Variants in TMC1 observed in about 807,000 individuals in gnomAD.
TMC1 encodes transmembrane channel like 1.
In TMC1, 84 loss-of-function variants were observed where a neutral mutation model predicts 105.8. That is an observed-to-expected ratio of 0.79 (90% CI 0.67 to 0.95). The LOEUF (loss-of-function observed/expected upper bound fraction) is 0.95, where lower values mean the gene tolerates loss of function less well. TMC1 is among the 40% of genes least tolerant of loss of function. The pLI, the probability that TMC1 is intolerant of heterozygous loss-of-function variation, is 0.00. For missense variants in TMC1, 817 were observed against 914.1 expected (o/e 0.89, Z 1.37); for synonymous variants, 315 against 311.5 (o/e 1.01, Z -0.12).
At chr9:72,564,195 C>T (rs1824107889) in intron 1 of TMC1, among the ~76,000 whole-genome samples, 1 of 152,066 alleles carries the variant, frequency 6.6e-6, no homozygotes, top group South Asian at 2.1e-4. Context: ...AAAACTTCCC[C>T]TATATTTTTC....
At chr9:72,725,792 G>A (rs2487462) in intron 8 of TMC1, among the ~76,000 whole-genome samples, 29,571 of 151,946 alleles carry the variant, frequency 0.19, 3,140 homozygotes, top group East Asian at 0.39. Context: ...CCGGGTTCAA[G>A]CCATTCTCCT....
At chr9:72,605,373 A>G (rs1384048649) in intron 2 of TMC1, among the ~76,000 whole-genome samples, 2 of 152,128 alleles carry the variant, frequency 1.3e-5, no homozygotes, top group African/African-American at 4.8e-5. Context: ...CTGTCACAGA[A>G]CACAACAGCA....
chr9:72,638,933 A>G (rs1825579662), intron 4 of TMC1, among the ~76,000 whole-genome samples: 3 of 152,244 alleles, frequency 2.0e-5, no homozygotes, highest in African/African-American at 7.2e-5. Flanking sequence ...TGATTGAAAA[A>G]TTAATACTCA....
chr9:72,749,824 A>AG (rs1422575755), intron 10 of TMC1, among the ~76,000 whole-genome samples: 1 of 152,022 alleles, frequency 6.6e-6, no homozygotes, highest in Non-Finnish European at 1.5e-5. Flanking sequence ...GAATAGACAA[A>AG]GGGGCCAGGT....
chr9:72,601,193 C>G lies in TMC1; in HGVS notation c.-305-15175C>G, dbSNP rs1044131095. ...CTACACACACACACACACACACACA[C>G]AGACACACACACACACACACACACA... On this transcript the variant is annotated intron_variant, in intron 2 of 23. Transcript: ENST00000297784. Among the ~76,000 whole-genome samples, 1,305 of 133,886 alleles carry G rather than the reference C, an allele frequency of 9.7e-3. 26 individuals are homozygous for G. The highest frequency in any genetic ancestry group is 0.038 in the African/African-American group (1,231 of 32,608). 87.8% of individuals were successfully genotyped at this position (133,886 alleles called of 152,430 possible).
chr9:72,582,971 A>G (rs1824497725), intron 2 of TMC1, among the ~76,000 whole-genome samples: 1 of 152,206 alleles, frequency 6.6e-6, no homozygotes, highest in South Asian at 2.1e-4. Flanking sequence ...CTGTAATCCC[A>G]GCAGTTTGGG....
rs759407054 is a variant in TMC1, at chr9:72,820,978, A to G, written c.1900A>G (p.Asn634Asp). 6.2e-7 allele frequency: 1 copy of G among 1,614,118 alleles called. No homozygotes were observed. The highest frequency in any genetic ancestry group is 1.1e-5 in the South Asian group (1 of 91,072). ...GGTCTTCAAAGCTTCCAGATCAAAT[A>G]ACTTCTACCTGGGCATGCTACTGCT... ...ARVFKASRSNNFYLGMLLLIL... is the reference protein window; with the variant it reads ...ARVFKASRSNDFYLGMLLLIL... The change falls in exon 20 of 24, where the codon AAC (asparagine) becomes GAC (aspartate). Residue 634 changes from asparagine (N) to aspartate (D), a missense_variant. Coordinates refer to ENST00000297784, the MANE Select transcript of TMC1 (RefSeq NM_138691.3).
In TMC1 at chr9:72,640,548, G is replaced by A. The variant is rs540448424; in HGVS notation, c.-52-8049G>A. Among the ~76,000 whole-genome samples the A allele has an allele frequency of 5.3e-5, 8 of 152,224 alleles. No homozygotes were observed. The South Asian group carries it at 1.7e-3, about 32-fold the overall frequency. On this transcript the variant is annotated intron_variant, in intron 4 of 23. Coordinates refer to ENST00000297784, the MANE Select transcript of TMC1 (RefSeq NM_138691.3). The stretch of plus-strand genomic sequence containing the variant: ...TATGTCAAGAATCAGGCAACATTTA[G>A]GAAATGAAACCACAAGTCTTTGTCT...
chr9:72,648,836 G>A (rs568939357), intron 5 of TMC1, among the ~76,000 whole-genome samples, 172 bp downstream of exon 5: 29 of 152,236 alleles, frequency 1.9e-4, no homozygotes, highest in Admixed American at 4.6e-4. Flanking sequence ...AAATTGAGAA[G>A]GGTTTAATAT....
intron 18 of TMC1, among the ~76,000 whole-genome samples, chr9:72,813,692 G>T (rs899973196): frequency 4.6e-5 from 7 of 152,160 alleles, no homozygotes; most frequent in African/African-American, 1.4e-4. Flanking sequence ...AAAACAGGTG[G>T]CAGTCCAGAT....
chr9:72,623,766 C>A (rs968475413), intron 3 of TMC1, among the ~76,000 whole-genome samples: 11 of 152,110 alleles, frequency 7.2e-5, no homozygotes, highest in African/African-American at 2.7e-4. Flanking sequence ...CGTAACTGAG[C>A]CTTTACCAGG....
intron 5 of TMC1, among the ~76,000 whole-genome samples, chr9:72,668,201 C>T (rs1040124596): frequency 2.0e-5 from 3 of 152,160 alleles, no homozygotes; most frequent in Non-Finnish European, 4.4e-5. Flanking sequence ...TAGCATTTAA[C>T]TTATTTAATG....
At chr9:72,569,166 ATACTT>A (rs1228607848) in intron 1 of TMC1, among the ~76,000 whole-genome samples, 2 of 152,244 alleles carry the variant, frequency 1.3e-5, no homozygotes, top group African/African-American at 4.8e-5. Flanking sequence ...ATCCTACTGT[ATACTT>A]TAAATCATCT....
Position 72,700,639 on chromosome 9 carries a change from C to T in TMC1, c.358C>T (p.Leu120Phe). The T allele has an allele frequency of 1.3e-6, 2 of 1,595,506 alleles. No individual in the cohort carries two copies. The highest frequency in any genetic ancestry group is 1.7e-6 in the Non-Finnish European group (2 of 1,168,518). ...PWKMEKKIEV[L>F]KEAKKFVSEN... The stretch of plus-strand genomic sequence containing the variant: ...GAAGATGGAGAAGAAAATTGAAGTT[C>T]TCAAGTATGGTGCCACTTTTTATAA... The change falls in exon 8 of 24, where the codon CTC (leucine) becomes TTC (phenylalanine). Residue 120 changes from leucine (L) to phenylalanine (F), a missense_variant. Leu to Phe is a conservative substitution (Grantham distance 22, BLOSUM62 0). Transcript: ENST00000297784.
At chr9:72,612,293 C>T (rs956241389) in intron 2 of TMC1, among the ~76,000 whole-genome samples, 1 of 152,114 alleles carries the variant, frequency 6.6e-6, no homozygotes, top group African/African-American at 2.4e-5. Flanking sequence ...ACCTCAGCCT[C>T]TTGAGTAGCT....
chr9:72,766,081 C>G (rs750545704), intron 12 of TMC1, among the ~76,000 whole-genome samples: 6 of 152,070 alleles, frequency 3.9e-5, no homozygotes, highest in Non-Finnish European at 7.4e-5. Flanking sequence ...TACCTAGCTA[C>G]CAGGCTTGTA....
intron 5 of TMC1, among the ~76,000 whole-genome samples, chr9:72,678,544 CATATT>C (rs1443283300): frequency 6.6e-6 from 1 of 151,830 alleles, no homozygotes; most frequent in Admixed American, 6.6e-5. Flanking sequence ...TAATAACTAT[CATATT>C]ATATTATTAC....
chr9:72,751,963 T>A lies in TMC1; in HGVS notation c.642+7T>A. On this transcript the variant is annotated splice_region_variant and intron_variant, in intron 11 of 23. Coordinates refer to ENST00000297784, the MANE Select transcript of TMC1 (RefSeq NM_138691.3). ...CCTCATCATGTTGCCAGAGGTGAGA[T>A]CTGACTTCCAGTTTACAAAACATGC... The A allele has an allele frequency of 6.4e-7, 1 of 1,552,586 alleles. No homozygotes were observed. The highest frequency in any genetic ancestry group is 1.1e-5 in the South Asian group (1 of 89,886).
chr9:72,531,257 A>G (rs2132057573), intron 1 of TMC1, among the ~76,000 whole-genome samples: 1 of 152,068 alleles, frequency 6.6e-6, no homozygotes, highest in South Asian at 2.1e-4. Context: ...GTCTACTTTC[A>G]TTGTTTTTTG....
Sources: gnomAD v4.1 joint callset for allele counts (sites outside exome capture counted in the v4.1 genomes callset) on GRCh38, gnomAD v4.1.1 for gene constraint, MANE v1.5 for transcripts, NCBI Gene and HGNC (gene_info 2026-07-23, HGNC 2026-07-21) for gene names.